C2CD3: variants seen among roughly 807,000 people sequenced by gnomAD.
C2CD3 encodes the protein C2 domain containing 3 centriole elongation regulator.
A neutral mutation model predicts 234.0 loss-of-function variants in C2CD3; 148 were observed. The ratio of observed to expected loss-of-function variants is 0.63; its 90% CI spans 0.55 to 0.72. The LOEUF (loss-of-function observed/expected upper bound fraction) is 0.72, where lower values mean the gene tolerates loss of function less well. C2CD3 is among the 30% of genes least tolerant of loss of function. The pLI is 0.00. For missense variants in C2CD3, 2,577 were observed against 2,811.5 expected, an observed-to-expected ratio of 0.92 and a Z score of 1.89; for synonymous variants, 1,000 against 1,035.4, an observed-to-expected ratio of 0.97 and a Z score of 0.66.
At chr11:74,106,314 A>C in intron 13 of C2CD3, 57 bp downstream of exon 13, 1 of 1,582,158 alleles carries the variant, frequency 6.3e-7, no homozygotes, top group Non-Finnish European at 8.7e-7. Context: ...CCTCAGTGCC[A>C]GCCAATAATG....
chr11:74,014,984 C>G (rs1183161086), intron 32 of C2CD3, among the ~76,000 whole-genome samples: 2 of 152,248 alleles, frequency 1.3e-5, no homozygotes, highest in African/African-American at 2.4e-5. Flanking sequence ...ATCTATCTCC[C>G]TGCCTTCTAG....
chr11:74,075,846 G>A (rs879848365), intron 23 of C2CD3, among the ~76,000 whole-genome samples: 1 of 152,202 alleles, frequency 6.6e-6, no homozygotes, highest in East Asian at 1.9e-4. Context: ...AGGTTGGATG[G>A]ATGGCTTGAC....
chr11:74,133,368 C>G, intron 6 of C2CD3, 57 bp downstream of exon 6: 2 of 1,510,516 alleles, frequency 1.3e-6, no homozygotes, highest in Non-Finnish European at 1.8e-6. Context: ...ACAAAAAACA[C>G]AGGTTAACAA....
At chr11:74,138,625 A>T (rs1051321632) in intron 5 of C2CD3, 95 bp downstream of exon 5, 2 of 988,204 alleles carry the variant, frequency 2.0e-6, no homozygotes, top group South Asian at 3.0e-5. Context: ...ACTTAGTTCA[A>T]ACAAGAGTCT....
chr11:74,097,075 G>A (rs1178898933), intron 16 of C2CD3, among the ~76,000 whole-genome samples: 1 of 151,534 alleles, frequency 6.6e-6, no homozygotes, highest in Non-Finnish European at 1.5e-5. Flanking sequence ...CTTGAACCCA[G>A]TTGGTGGAGG....
intron 3 of C2CD3, among the ~76,000 whole-genome samples, chr11:74,158,773 TG>T (rs1414432168): frequency 6.6e-6 from 1 of 151,722 alleles, no homozygotes; most frequent in Non-Finnish European, 1.5e-5. Context: ...ACTATGATTA[TG>T]GAAAGGCAAA....
chr11:74,121,297 C>A (rs369029458), intron 8 of C2CD3, among the ~76,000 whole-genome samples: 2 of 152,104 alleles, frequency 1.3e-5, no homozygotes, highest in East Asian at 1.9e-4. Context: ...CTATCTCATG[C>A]GGCTGGTAAA....
chr11:74,134,906 G>C (rs757586500), intron 5 of C2CD3, among the ~76,000 whole-genome samples: 4 of 151,682 alleles, frequency 2.6e-5, no homozygotes, highest in Non-Finnish European at 5.9e-5. Flanking sequence ...TTATTTTTTT[G>C]TACAGATGGT....
chr11:74,140,942 G>C (rs1446199410), intron 3 of C2CD3, among the ~76,000 whole-genome samples: 1 of 152,134 alleles, frequency 6.6e-6, no homozygotes, highest in Non-Finnish European at 1.5e-5. Flanking sequence ...TCCCAATGGA[G>C]AAACGCCTAA....
In C2CD3 at chr11:74,103,502, TA is replaced by T. The variant is rs759482968; in HGVS notation, c.2208del (p.Asn737ThrfsTer4). Reference sequence around the variant, plus strand: ...TTTTTGGTACAGGTCATATCTTGGTTAAGTTCTGGTAGTGCCTTATTTGGAC... The same window carrying T: ...TTTTTGGTACAGGTCATATCTTGGTTAGTTCTGGTAGTGCCTTATTTGGAC... ...PTSPNKALPE[L>X]NQDMTCTKNP... On this transcript the variant is annotated frameshift_variant, in exon 14 of 33. Coordinates refer to ENST00000334126, the MANE Select transcript of C2CD3 (RefSeq NM_001286577.2). LOFTEE classifies it high-confidence loss of function. The T allele has an allele frequency of 6.2e-7, 1 of 1,614,208 alleles. No homozygotes were observed. The highest frequency in any genetic ancestry group is 2.2e-5 in the East Asian group (1 of 44,888).
At chr11:74,111,923 C>T (rs1451384428) in intron 11 of C2CD3, among the ~76,000 whole-genome samples, 19 of 45,274 alleles carry the variant, frequency 4.2e-4, no homozygotes, top group African/African-American at 2.5e-3. Flanking sequence ...TGCTGATACA[C>T]ACACACACAC....
chr11:74,110,582 A>T (rs1162923657), intron 11 of C2CD3: 1 of 152,262 alleles, frequency 6.6e-6, no homozygotes, highest in Non-Finnish European at 1.5e-5. Flanking sequence ...GGATGAACTG[A>T]GGTAATAAAG....
intron 16 of C2CD3, among the ~76,000 whole-genome samples, chr11:74,097,045 A>T (rs1275129210): frequency 2.0e-5 from 3 of 151,866 alleles, no homozygotes; most frequent in Admixed American, 2.0e-4. Flanking sequence ...GCTACCCGGG[A>T]GGCCAAGGCA....
intron 3 of C2CD3, among the ~76,000 whole-genome samples, chr11:74,154,841 A>G (rs1300926121): frequency 6.6e-6 from 1 of 152,238 alleles, no homozygotes; most frequent in Non-Finnish European, 1.5e-5. Context: ...ATGAAAAAAT[A>G]CTCAACATGT....
chr11:74,057,279 G>A, intron 25 of C2CD3, 127 bp downstream of exon 25: 1 of 882,018 alleles, frequency 1.1e-6, no homozygotes, highest in Non-Finnish European at 1.8e-6. Flanking sequence ...TTAAATAATT[G>A]CTTGGATAAG....
chr11:74,042,185 AT>A lies in C2CD3; in HGVS notation c.5528del (p.His1843LeufsTer29), dbSNP rs1953097409. The A allele has an allele frequency of 6.2e-7, 1 of 1,611,468 alleles. No individual in the cohort carries two copies. Among genetic ancestry groups the A allele is most frequent in the African/African-American group, 1.3e-5 (1 of 74,144 alleles). On this transcript the variant is annotated frameshift_variant, in exon 29 of 33. Coordinates refer to ENST00000334126, the MANE Select transcript of C2CD3 (RefSeq NM_001286577.2). LOFTEE classifies it high-confidence loss of function. ...GGCGAATGTTCTGCACATGCTCTTC[AT>A]GGCGTGATGCTTGGCTTCTTGTGGT... is the stretch of plus-strand genomic sequence containing the variant. ...SDTTRSQASR[H>X]EEHVQNIRRF... is the part of the protein sequence containing the mutation.
chr11:74,170,999 C>T lies in C2CD3; in HGVS notation c.-207G>A, dbSNP rs1479784278. 24 of 1,224,236 alleles carry T rather than the reference C, an allele frequency of 2.0e-5. No individual in the cohort carries two copies. 75.8% of individuals were successfully genotyped at this position (1,224,236 alleles called of 1,614,324 possible). A position where few individuals can be genotyped will look rare whatever the true frequency, so the allele number is the denominator to read the frequency against. Reference sequence around the variant, plus strand: ...GCCAAGACGCCTTCCCTCCAATACACTACAATACCCAGGACGCTTTGCTAC... The same window carrying T: ...GCCAAGACGCCTTCCCTCCAATACATTACAATACCCAGGACGCTTTGCTAC... On this transcript the variant is annotated 5_prime_UTR_variant, in exon 1 of 33. It adds an upstream start codon to the 5' untranslated region. Transcript: ENST00000334126.
intron 30 of C2CD3, chr11:74,036,183 T>C: frequency 3.6e-6 from 1 of 277,770 alleles, no homozygotes; most frequent in Non-Finnish European, 7.2e-6. Flanking sequence ...CTCTCCTCTT[T>C]TAATATGCCC....
chr11:74,104,044 C>G (rs1270329233), intron 13 of C2CD3, among the ~76,000 whole-genome samples: 2 of 152,154 alleles, frequency 1.3e-5, no homozygotes, highest in African/African-American at 2.4e-5. Context: ...AGAGAAGAAA[C>G]AGCTTCTCTA....
Sources: allele counts gnomAD v4.1 joint callset (sites outside exome capture counted in the v4.1 genomes callset), GRCh38; gene constraint gnomAD v4.1.1; transcripts MANE v1.5; gene names NCBI Gene and HGNC (gene_info 2026-07-23, HGNC 2026-07-21).